TTC29: variants seen among roughly 807,000 people sequenced by gnomAD.
TTC29 encodes tetratricopeptide repeat protein 29.
In TTC29, 49 loss-of-function variants were observed where a neutral mutation model predicts 58.1. The observed-to-expected ratio is 0.84, with a 90% CI of 0.67 to 1.07. The LOEUF (loss-of-function observed/expected upper bound fraction) is 1.07. Ranked by LOEUF, TTC29 falls within the 50% of genes least tolerant of loss-of-function variation. The probability of loss-of-function intolerance (pLI) is 0.00; values close to 1 mark genes in which losing one functional copy is unlikely to be tolerated. For missense variants in TTC29, 582 were observed against 555.6 expected (o/e 1.05, Z -0.48); for synonymous variants, 209 against 196.8 (o/e 1.06, Z -0.52).
intron 8 of TTC29, among the ~76,000 whole-genome samples, chr4:146,862,983 G>A (rs544309133): frequency 1.2e-4 from 19 of 152,070 alleles, no homozygotes; most frequent in East Asian, 1.2e-3. Flanking sequence ...TTAGCCGGGC[G>A]TGGTGGCATG....
chr4:146,737,351 G>T (rs1348177731), intron 11 of TTC29, among the ~76,000 whole-genome samples: 1 of 152,104 alleles, frequency 6.6e-6, no homozygotes, highest in African/African-American at 2.4e-5. Flanking sequence ...ATATTCCTGT[G>T]TGTTTCCCTG....
intron 11 of TTC29, among the ~76,000 whole-genome samples, chr4:146,738,367 G>C (rs999585304): frequency 2.0e-5 from 3 of 152,134 alleles, no homozygotes; most frequent in Non-Finnish European, 4.4e-5. Flanking sequence ...ATCTGAAGGG[G>C]GGAAGCTGTG....
At chr4:146,894,687 TA>T (rs887084847) in intron 6 of TTC29, among the ~76,000 whole-genome samples, 8 of 91,924 alleles carry the variant, frequency 8.7e-5, no homozygotes, top group Non-Finnish European at 1.5e-4. Context: ...TAATAAAAAA[TA>T]AAATAAATAA....
At chr4:146,741,167 G>A (rs1267827003) in intron 11 of TTC29, among the ~76,000 whole-genome samples, 1 of 152,168 alleles carries the variant, frequency 6.6e-6, no homozygotes, top group Non-Finnish European at 1.5e-5. Flanking sequence ...GGCCATTTTA[G>A]TGCAAACACA....
In TTC29 at chr4:146,810,386, C is replaced by G. The variant is rs533259218; in HGVS notation, c.1102-6701G>C. ...ACCTGTATGTTCTGCACATTTATCCCAGAACTTAAAGTATATATAAAAAAA... is the reference window on the plus strand; with the variant it reads ...ACCTGTATGTTCTGCACATTTATCCGAGAACTTAAAGTATATATAAAAAAA... On this transcript the variant is annotated intron_variant, in intron 10 of 12. Coordinates refer to ENST00000325106, the MANE Select transcript of TTC29 (RefSeq NM_031956.4). 4.6e-4 allele frequency among the ~76,000 whole-genome samples: 70 copies of G among 152,084 alleles called. 1 individual carries two copies. In the Middle Eastern group the frequency reaches 0.014, roughly 30 times the overall value.
intron 11 of TTC29, among the ~76,000 whole-genome samples, chr4:146,742,292 C>G (rs1004289061): frequency 1.3e-5 from 2 of 152,162 alleles, no homozygotes; most frequent in Non-Finnish European, 2.9e-5. Context: ...ACACTAGACT[C>G]TGCTGCAAGC....
chr4:146,825,933 T>C (rs1727763433), intron 9 of TTC29, among the ~76,000 whole-genome samples: 1 of 150,974 alleles, frequency 6.6e-6, no homozygotes. Flanking sequence ...ACCCCTGCTT[T>C]TTTTTTTAAA....
intron 11 of TTC29, among the ~76,000 whole-genome samples, chr4:146,756,416 A>G (rs1746455599): frequency 6.6e-6 from 1 of 152,198 alleles, no homozygotes; most frequent in Non-Finnish European, 1.5e-5. Context: ...ACAGAATAAA[A>G]TTAGACATCT....
At chr4:146,846,750 C>T (rs1253241682) in intron 8 of TTC29, among the ~76,000 whole-genome samples, 2 of 152,186 alleles carry the variant, frequency 1.3e-5, no homozygotes, top group Non-Finnish European at 2.9e-5. Context: ...AAATCTGTCT[C>T]TCCGCTGGCA....
At chr4:146,711,876 C>T (rs1183523716) in intron 11 of TTC29, among the ~76,000 whole-genome samples, 1 of 152,078 alleles carries the variant, frequency 6.6e-6, no homozygotes, top group African/African-American at 2.4e-5. Flanking sequence ...AATGGCACAT[C>T]TACAATGGCC....
At chr4:146,787,700 C>T (rs1032267772) in intron 11 of TTC29, among the ~76,000 whole-genome samples, 2 of 152,106 alleles carry the variant, frequency 1.3e-5, no homozygotes, top group Non-Finnish European at 2.9e-5. Flanking sequence ...CATTTGTGGG[C>T]ACTGAGGCAG....
At chr4:146,921,032 AG>A (rs1734541840) in intron 4 of TTC29, among the ~76,000 whole-genome samples, 1 of 151,524 alleles carries the variant, frequency 6.6e-6, no homozygotes, top group Admixed American at 6.6e-5. Context: ...AATGCTTAAA[AG>A]ATAACTACCG....
chr4:146,845,438 G>A (rs530898211), intron 8 of TTC29, among the ~76,000 whole-genome samples: 83 of 152,124 alleles, frequency 5.5e-4, no homozygotes, highest in African/African-American at 2.0e-3. Flanking sequence ...CACTTCACTT[G>A]GTTATATTTC....
chr4:146,748,732 A>G (rs1261754672), intron 11 of TTC29, among the ~76,000 whole-genome samples: 1 of 151,826 alleles, frequency 6.6e-6, no homozygotes, highest in Non-Finnish European at 1.5e-5. Flanking sequence ...TCTCAGGCCA[A>G]TCTGCAGGTA....
chr4:146,715,309 G>A (rs551697300), intron 11 of TTC29, among the ~76,000 whole-genome samples: 6 of 152,242 alleles, frequency 3.9e-5, no homozygotes, highest in East Asian at 3.9e-4. Context: ...ATACCTGCAC[G>A]TCCATGTGTA....
intron 8 of TTC29, among the ~76,000 whole-genome samples, chr4:146,860,264 T>C (rs1321290288): frequency 1.3e-5 from 2 of 152,186 alleles, no homozygotes; most frequent in East Asian, 1.9e-4. Flanking sequence ...AAATAAATCA[T>C]TGATAGAAAT....
intron 11 of TTC29, among the ~76,000 whole-genome samples, chr4:146,791,158 C>A (rs1749419915): frequency 6.6e-6 from 1 of 152,104 alleles, no homozygotes; most frequent in Non-Finnish European, 1.5e-5. Flanking sequence ...TTTCAAATTT[C>A]CTTTAATTTT....
intron 11 of TTC29, among the ~76,000 whole-genome samples, chr4:146,795,939 T>TGAG (rs1161004356): frequency 5.3e-5 from 8 of 152,214 alleles, no homozygotes; most frequent in Non-Finnish European, 1.0e-4. Flanking sequence ...AGACCCTTGC[T>TGAG]GAGAATGAGA....
At chr4:146,936,860 G>A (rs1445521122) in intron 4 of TTC29, among the ~76,000 whole-genome samples, 1 of 151,962 alleles carries the variant, frequency 6.6e-6, no homozygotes, top group Non-Finnish European at 1.5e-5. Flanking sequence ...TATTTTAATT[G>A]AAACAATTAA....
Sources: allele counts gnomAD v4.1 joint callset (sites outside exome capture counted in the v4.1 genomes callset), GRCh38; gene constraint gnomAD v4.1.1; transcripts MANE v1.5; gene names NCBI Gene and HGNC (gene_info 2026-07-23, HGNC 2026-07-21).